DICER1: variants seen among roughly 807,000 people sequenced by gnomAD.
DICER1 encodes the protein endoribonuclease Dicer.
A neutral mutation model predicts 194.1 loss-of-function variants in DICER1; 43 were observed. The ratio of observed to expected loss-of-function variants is 0.22; its 90% confidence interval spans 0.17 to 0.29. DICER1 has a LOEUF of 0.29. Among genes scored for constraint, DICER1 ranks in the 10% least tolerant of loss-of-function variants. DICER1 has a pLI of 1.00. For missense variants in DICER1, 1,608 were observed against 2,317.0 expected, an observed-to-expected ratio of 0.69 and a Z score of 6.28; for synonymous variants, 832 against 820.5, an observed-to-expected ratio of 1.01 and a Z score of -0.24.
At position 95,105,738 on chromosome 14, in the gene DICER1, C is replaced by T. The variant is rs8019857; in HGVS notation, c.3033G>A (p.Ala1011=). ...TPRHLNQKGK[A]LPLSSAEKRK... is the part of the protein sequence containing the mutation. ...TCTTCTCAGCACTGCTTAAAGGAAG[C>T]GCTTTCCCCTTCTGATTCAAATGTC... The change falls in exon 19 of 27, where the codon GCG becomes GCA. Residue 1011 remains alanine, a synonymous_variant. Transcript: ENST00000343455. This position sits in a 1 kb window ranked among gnomAD's most constrained non-coding sequence, Gnocchi z 4.9. 10,122 of 1,614,094 alleles carry T rather than the reference C, an allele frequency of 6.3e-3. 594 individuals carry two copies. In the African/African-American group the frequency reaches 0.12, roughly 19 times the overall value.
chr14:95,156,717 CCT>C (rs1895897218), intron 1 of DICER1, among the ~76,000 whole-genome samples: 1 of 152,220 alleles, frequency 6.6e-6, no homozygotes, highest in African/African-American at 2.4e-5. Context: ...AATCTGGTCC[CCT>C]GACAGTAATC....
intron 1 of DICER1, among the ~76,000 whole-genome samples, chr14:95,147,346 G>C (rs750827965): frequency 6.6e-6 from 1 of 152,104 alleles, no homozygotes. Flanking sequence ...TGTGCCTGTA[G>C]TCCCAACTCC....
intron 1 of DICER1, among the ~76,000 whole-genome samples, chr14:95,138,600 T>C (rs1449356538): frequency 6.6e-6 from 1 of 152,086 alleles, no homozygotes; most frequent in Non-Finnish European, 1.5e-5. Flanking sequence ...CTCTGTGATA[T>C]CTAGTCCCAA....
rs1893284175 is a variant in DICER1, at chr14:95,124,990, A to C, written c.904-322T>G. Among the ~76,000 whole-genome samples, 2 of 152,252 alleles carry C rather than the reference A, an allele frequency of 1.3e-5. No individual in the cohort carries two copies. The highest frequency in any genetic ancestry group is 6.5e-5 in the Admixed American group (1 of 15,286). Reference sequence around the variant, plus strand: ...TGAGTCATTTACTTCCTGCCAAATTACATAAAATTTATGTAGCACAGTAAT... The same window carrying C: ...TGAGTCATTTACTTCCTGCCAAATTCCATAAAATTTATGTAGCACAGTAAT... On this transcript the variant is annotated intron_variant, in intron 7 of 26. Transcript: ENST00000343455. The surrounding 1 kb of genome is among the most constrained non-coding windows in gnomAD (Gnocchi z 4.5).
chr14:95,118,528 G>C (rs1406569551), intron 8 of DICER1, among the ~76,000 whole-genome samples: 2 of 152,126 alleles, frequency 1.3e-5, no homozygotes, highest in East Asian at 3.9e-4. Flanking sequence ...CTGCTCCTCT[G>C]TATTAACCCA....
chr14:95,130,050 A>C lies in DICER1; in HGVS notation c.573+8T>G, dbSNP rs1199149708. The C allele has an allele frequency of 6.2e-7, 1 of 1,612,888 alleles. No individual in the cohort carries two copies. The highest frequency in any genetic ancestry group is 8.5e-7 in the Non-Finnish European group (1 of 1,179,400). On this transcript the variant is annotated splice_region_variant and intron_variant, in intron 5 of 26. Coordinates refer to ENST00000343455, the MANE Select transcript of DICER1 (RefSeq NM_177438.3). Reference sequence around the variant, plus strand: ...CAAGAATTACTAAGACTTAGGTCTAAAACTTACCTTCATAATTTCTCGATA... The same window carrying C: ...CAAGAATTACTAAGACTTAGGTCTACAACTTACCTTCATAATTTCTCGATA...
At chr14:95,142,870 T>A (rs1894904091) in intron 1 of DICER1, among the ~76,000 whole-genome samples, 1 of 152,200 alleles carries the variant, frequency 6.6e-6, no homozygotes, top group African/African-American at 2.4e-5. Context: ...CACAGGCTAG[T>A]AGCAAGAAAG....
Position 95,103,537 on chromosome 14 carries a change from A to G in DICER1, c.3859T>C (p.Ser1287Pro), listed in dbSNP as rs373980178. Residue 1287 changes from serine (S) to proline (P), a missense_variant, in exon 21 of 27, where the codon TCA becomes CCA. Ser to Pro is a moderately conservative substitution (Grantham distance 74, BLOSUM62 -1). Around this residue, in one of 10 missense-constraint regions of DICER1, gnomAD observed 222 missense variants for 215.5 expected, o/e 1.03. Transcript: ENST00000343455. ...CCAGGATTGGGGCCAAGAGTCCTTG[A>G]GGAGTACCCAATAGAAGGGCTCTGC... ...SEQSPSIGYS[S>P]RTLGPNPGLI... is the part of the protein sequence containing the mutation. The G allele has an allele frequency of 6.2e-7, 1 of 1,614,192 alleles. No homozygotes were observed. Among genetic ancestry groups the G allele is most frequent in the Non-Finnish European group, 8.5e-7 (1 of 1,180,014 alleles).
At chr14:95,128,680 A>G (rs1474520956) in intron 6 of DICER1, among the ~76,000 whole-genome samples, 1 of 152,204 alleles carries the variant, frequency 6.6e-6, no homozygotes, top group Non-Finnish European at 1.5e-5. Flanking sequence ...TAAGTGACTC[A>G]CTCAAGGTCA....
Position 95,089,200 on chromosome 14 carries a change from G to GT in DICER1, c.*1297dup, listed in dbSNP as rs578164776. On this transcript the variant is annotated 3_prime_UTR_variant, in exon 27 of 27. Coordinates refer to ENST00000343455, the MANE Select transcript of DICER1 (RefSeq NM_177438.3). Reference sequence around the variant, plus strand: ...GAAACTTAGGCAAATGCCTAAAGAAGTTTTTTTTTTTTTCCTTTTCCAAAG... The same window carrying GT: ...GAAACTTAGGCAAATGCCTAAAGAAGTTTTTTTTTTTTTTCCTTTTCCAAAG... 12,439 of 184,938 alleles carry GT rather than the reference G, an allele frequency of 0.067. 14 individuals are homozygous for GT. The highest frequency in any genetic ancestry group is 0.13 in the Middle Eastern group (66 of 512). The allele number at this position is 184,938 out of a possible 1,614,324, so 11.5% of individuals were successfully genotyped here.
At chr14:95,144,658 C>G (rs1401864985) in intron 1 of DICER1, among the ~76,000 whole-genome samples, 1 of 152,096 alleles carries the variant, frequency 6.6e-6, no homozygotes, top group East Asian at 1.9e-4. Context: ...AAAATGCATT[C>G]TCATATAATG....
chr14:95,111,553 G>A, intron 13 of DICER1, 97 bp from the exon 14 acceptor site: 1 of 1,344,898 alleles, frequency 7.4e-7, no homozygotes, highest in Non-Finnish European at 1.1e-6. Context: ...ACCTGGAAAA[G>A]TAATGGAAAC....
At position 95,096,130 on chromosome 14, in the gene DICER1, G is replaced by T. The variant is rs1387955483; in HGVS notation, c.4790C>A (p.Thr1597Asn). The part of the protein sequence containing the change: ...GLKVLPVIKR[T>N]DREKALCPTR... ...AGGGCACAGGGCCTTTTCCCGATCAGTCCTTTTAATTACCGGGAGCACCTT... is the reference window on the plus strand; with the variant it reads ...AGGGCACAGGGCCTTTTCCCGATCATTCCTTTTAATTACCGGGAGCACCTT... The change falls in exon 23 of 27, where the codon ACT (threonine) becomes AAT (asparagine). Residue 1597 changes from threonine (T) to asparagine (N), a missense_variant. By Grantham distance (65) the Thr-to-Asn change is moderately conservative. Transcript: ENST00000343455. The T allele has an allele frequency of 6.2e-7, 1 of 1,614,212 alleles. No homozygotes were observed. The highest frequency in any genetic ancestry group is 1.1e-5 in the South Asian group (1 of 91,090).
chr14:95,130,966 C>G (rs1413434769), intron 4 of DICER1, among the ~76,000 whole-genome samples: 2 of 152,298 alleles, frequency 1.3e-5, no homozygotes, highest in East Asian at 1.9e-4. Flanking sequence ...TTCAAGCAAG[C>G]AGATCATACT....
chr14:95,097,388 C>T (rs1229247333), intron 22 of DICER1, among the ~76,000 whole-genome samples: 2 of 152,180 alleles, frequency 1.3e-5, no homozygotes, highest in African/African-American at 4.8e-5. Flanking sequence ...TTTCCCTCCA[C>T]TCTGAACTAC....
chr14:95,095,037 A>G (rs1444104210), intron 23 of DICER1, among the ~76,000 whole-genome samples: 1 of 152,248 alleles, frequency 6.6e-6, no homozygotes, highest in Admixed American at 6.5e-5. Flanking sequence ...TTTCCAGTCC[A>G]GAGTCAGATA....
chr14:95,090,738 A>G, intron 26 of DICER1, 75 bp from the exon 27 acceptor site: 1 of 1,554,328 alleles, frequency 6.4e-7, no homozygotes, highest in South Asian at 1.1e-5. Context: ...TTTAGTGTGC[A>G]CTCTCAGGCC....
chr14:95,130,085 T>C lies in DICER1; in HGVS notation c.546A>G (p.Leu182=). ...TCATAATTTCTCGATAGGGGTGGTC[T>C]AGGATTGCAAGATGACACTCATCAA... ...LVFDECHLAI[L]DHPYREIMKL... Residue 182 remains leucine (L), a synonymous_variant, in exon 5 of 27, where the codon CTA becomes CTG. Transcript: ENST00000343455. The C allele has an allele frequency of 5.0e-6, 8 of 1,613,540 alleles. No homozygotes were observed. Among genetic ancestry groups the C allele is most frequent in the Non-Finnish European group, 6.8e-6 (8 of 1,179,744 alleles).
At chr14:95,111,238 G>T in intron 14 of DICER1, 79 bp downstream of exon 14, 1 of 1,564,750 alleles carries the variant, frequency 6.4e-7, no homozygotes. Context: ...AGCCAGCCAA[G>T]CAGAGGAACT....
Sources: allele counts gnomAD v4.1 joint callset (sites outside exome capture counted in the v4.1 genomes callset), GRCh38; gene constraint gnomAD v4.1.1; regional missense constraint gnomAD v4.1.1; non-coding constraint Gnocchi (gnomAD v3.1); transcripts MANE v1.5; gene names NCBI Gene and HGNC (gene_info 2026-07-23, HGNC 2026-07-21).